INPP5A: variants seen among roughly 807,000 people sequenced by gnomAD.
INPP5A encodes the protein inositol polyphosphate-5-phosphatase A.
A neutral mutation model predicts 65.2 loss-of-function variants in INPP5A; 14 were observed. The ratio of observed to expected loss-of-function variants is 0.21; its 90% CI spans 0.14 to 0.34. The LOEUF is 0.34. Ranked by LOEUF, INPP5A falls within the 10% of genes least tolerant of loss-of-function variation. The pLI is 1.00. For missense variants in INPP5A, 431 were observed against 545.6 expected (o/e 0.79, Z 2.09); for synonymous variants, 207 against 208.3 (o/e 0.99, Z 0.05).
chr10:132,569,412 G>T (rs1172519852), intron 1 of INPP5A, among the ~76,000 whole-genome samples: 1 of 152,154 alleles, frequency 6.6e-6, no homozygotes, highest in Non-Finnish European at 1.5e-5. Context: ...GAGTGCAGTG[G>T]TGGGATCAAT....
chr10:132,731,666 G>T (rs1045656896), intron 9 of INPP5A, among the ~76,000 whole-genome samples: 4 of 152,206 alleles, frequency 2.6e-5, no homozygotes, highest in Non-Finnish European at 4.4e-5. Flanking sequence ...TGCTGGGAGT[G>T]GGGGCTCTCC....
At chr10:132,728,413 A>C (rs948057008) in intron 9 of INPP5A, among the ~76,000 whole-genome samples, 1 of 152,140 alleles carries the variant, frequency 6.6e-6, no homozygotes, top group African/African-American at 2.4e-5. Context: ...GCTAGAATCC[A>C]TGTCCCCGCG....
At chr10:132,739,873 T>C (rs755639510) in intron 9 of INPP5A, among the ~76,000 whole-genome samples, 3 of 152,166 alleles carry the variant, frequency 2.0e-5, no homozygotes, top group Non-Finnish European at 2.9e-5. Context: ...ACCCTGTGTG[T>C]CCGTTGGCCC....
At chr10:132,684,059 A>C (rs899056336) in intron 4 of INPP5A, among the ~76,000 whole-genome samples, 1 of 152,248 alleles carries the variant, frequency 6.6e-6, no homozygotes, top group Non-Finnish European at 1.5e-5. Context: ...TAGCATTCAA[A>C]ATAAGCTAAA....
intron 2 of INPP5A, among the ~76,000 whole-genome samples, chr10:132,635,027 T>C (rs904428957): frequency 1.3e-5 from 2 of 152,270 alleles, no homozygotes; most frequent in African/African-American, 2.4e-5. Context: ...CGGAACTTCC[T>C]GATGAGAGTT....
intron 9 of INPP5A, among the ~76,000 whole-genome samples, chr10:132,737,771 T>C (rs1351575062): frequency 6.6e-6 from 1 of 152,272 alleles, no homozygotes; most frequent in African/African-American, 2.4e-5. Flanking sequence ...GAAGCACTGA[T>C]TTAAATCATT....
chr10:132,752,010 C>T (rs1293514944), intron 11 of INPP5A, among the ~76,000 whole-genome samples: 2 of 148,436 alleles, frequency 1.3e-5, no homozygotes, highest in African/African-American at 5.0e-5. Flanking sequence ...CAGGAGGCGT[C>T]TGGGTAGAGG....
chr10:132,681,047 C>T (rs1457060185), intron 4 of INPP5A, among the ~76,000 whole-genome samples: 4 of 152,262 alleles, frequency 2.6e-5, no homozygotes, highest in Non-Finnish European at 5.9e-5. Context: ...GGGCGCACAG[C>T]GCGGGACTGG....
At chr10:132,712,691 TATGCATGTGTGG>T (rs1845665710) in intron 8 of INPP5A, among the ~76,000 whole-genome samples, 1 of 151,406 alleles carries the variant, frequency 6.6e-6, no homozygotes, top group Admixed American at 6.6e-5. Flanking sequence ...TGAGTGGGTA[TATGCATGTGTGG>T]GTGCATGTGA....
At chr10:132,645,678 A>C (rs2072484131) in intron 2 of INPP5A, among the ~76,000 whole-genome samples, 190 bp from the exon 3 acceptor site, 3 of 152,220 alleles carry the variant, frequency 2.0e-5, no homozygotes, top group Admixed American at 2.0e-4. Flanking sequence ...CACTGGAAAT[A>C]TAAATAACTG....
chr10:132,552,994 G>T (rs1211893556), intron 1 of INPP5A, among the ~76,000 whole-genome samples: 1 of 126,646 alleles, frequency 7.9e-6, no homozygotes, highest in Non-Finnish European at 1.7e-5. Context: ...CCTTCTCAGA[G>T]CCTTGGTGTG....
chr10:132,611,124 G>A (rs2071941049), intron 2 of INPP5A, among the ~76,000 whole-genome samples: 1 of 149,316 alleles, frequency 6.7e-6, no homozygotes, highest in African/African-American at 2.5e-5. Context: ...GGGCAGGGGA[G>A]AGGCCCTGTC....
chr10:132,619,486 G>C (rs1018154085), intron 2 of INPP5A, among the ~76,000 whole-genome samples: 1 of 152,170 alleles, frequency 6.6e-6, no homozygotes, highest in Non-Finnish European at 1.5e-5. Context: ...CCAGGCACAG[G>C]GTACAAGCTG....
At chr10:132,558,327 G>C (rs894826800) in intron 1 of INPP5A, among the ~76,000 whole-genome samples, 2 of 152,198 alleles carry the variant, frequency 1.3e-5, no homozygotes, top group Non-Finnish European at 2.9e-5. Context: ...ACGCTCTCCT[G>C]AGAGGCCACT....
rs1275407200 is a variant in INPP5A, at chr10:132,659,210, T to C, written c.306+8705T>C. ...AGACTCAGAGGCACAGGGGTTCAGA[T>C]TGAGGCCTGGGGCTGAGGAAGCAGG... On this transcript the variant is annotated intron_variant, in intron 4 of 15. Coordinates refer to ENST00000368594, the MANE Select transcript of INPP5A (RefSeq NM_005539.5). The surrounding 1 kb of genome is among the most constrained non-coding windows in gnomAD (Gnocchi z 5.5). Among the ~76,000 whole-genome samples, 1 of 152,036 alleles carries C rather than the reference T, an allele frequency of 6.6e-6. No homozygotes were observed. Among genetic ancestry groups the C allele is most frequent in the Non-Finnish European group, 1.5e-5 (1 of 67,984 alleles).
At chr10:132,725,416 G>A (rs939736432) in intron 8 of INPP5A, among the ~76,000 whole-genome samples, 5 of 152,224 alleles carry the variant, frequency 3.3e-5, no homozygotes, top group African/African-American at 1.2e-4. Flanking sequence ...TCTCCAACCC[G>A]AGGGTGGAGG....
chr10:132,739,108 C>T (rs1285198194), intron 9 of INPP5A, among the ~76,000 whole-genome samples: 1 of 152,222 alleles, frequency 6.6e-6, no homozygotes, highest in East Asian at 1.9e-4. Flanking sequence ...CACAGCCCTC[C>T]CAGCAAGCCA....
At chr10:132,604,745 A>G (rs746093755) in intron 1 of INPP5A, among the ~76,000 whole-genome samples, 27 of 152,210 alleles carry the variant, frequency 1.8e-4, no homozygotes, top group Non-Finnish European at 5.9e-5. Flanking sequence ...GGGGTCACCT[A>G]TTGGTCTGGG....
intron 1 of INPP5A, among the ~76,000 whole-genome samples, chr10:132,566,391 A>G (rs1247912172): frequency 1.3e-5 from 2 of 152,200 alleles, no homozygotes; most frequent in African/African-American, 4.8e-5. Context: ...GACAGAAGGA[A>G]AATGCAGGGA....
Sources: gnomAD v4.1 joint callset for allele counts (sites outside exome capture counted in the v4.1 genomes callset) on GRCh38, gnomAD v4.1.1 for gene constraint, Gnocchi (gnomAD v3.1) non-coding constraint, MANE v1.5 for transcripts, NCBI Gene and HGNC (gene_info 2026-07-23, HGNC 2026-07-21) for gene names.